Variants in CAMTA1 observed in about 807,000 individuals in gnomAD.
CAMTA1 encodes the protein calmodulin binding transcription activator 1, also known as calmodulin-binding transcription activator 1.
CAMTA1 carries 27 observed loss-of-function variants against 170.9 expected under a neutral mutation model. The observed-to-expected ratio is 0.16, with a 90% CI of 0.12 to 0.22. CAMTA1 has a LOEUF of 0.22. Ranked by LOEUF, CAMTA1 falls within the 10% of genes least tolerant of loss-of-function variation. The pLI, the probability that CAMTA1 is intolerant of heterozygous loss-of-function variation, is 1.00. For synonymous variants in CAMTA1, 833 were observed against 891.5 expected (o/e 0.93, Z 1.17); for missense variants, 1,619 against 2,217.2 (o/e 0.73, Z 5.42).
chr1:7,628,299 C>G (rs989561870), intron 6 of CAMTA1, among the ~76,000 whole-genome samples: 2 of 152,232 alleles, frequency 1.3e-5, no homozygotes, highest in Non-Finnish European at 2.9e-5. Context: ...TAGTGATTAG[C>G]ACTGATTGGC....
chr1:7,732,604 G>A lies in CAMTA1; in HGVS notation c.3066+5G>A, dbSNP rs774222618. 7 of 1,591,432 alleles carry A rather than the reference G, an allele frequency of 4.4e-6. No individual in the cohort carries two copies. Among genetic ancestry groups the A allele is most frequent in the East Asian group, 2.3e-5 (1 of 44,422 alleles). On this transcript the variant is annotated splice_donor_5th_base_variant and intron_variant, in intron 12 of 22. Transcript: ENST00000303635. The surrounding 1 kb of genome is among the most constrained non-coding windows in gnomAD (Gnocchi z 4.1). ...AATGGAGGGAGCCAGGCACAGGTAC[G>A]AGGCGGTGCTGATGCTCAGCTCCCA... is the stretch of plus-strand genomic sequence containing the variant.
At chr1:7,320,639 T>C (rs1678233611) in intron 5 of CAMTA1, among the ~76,000 whole-genome samples, 1 of 143,972 alleles carries the variant, frequency 6.9e-6, no homozygotes, top group Non-Finnish European at 1.5e-5. Flanking sequence ...CCCTGGGCTG[T>C]GCTGTGTGTG....
At chr1:7,069,446 G>A (rs1442487566) in intron 3 of CAMTA1, among the ~76,000 whole-genome samples, 1 of 152,206 alleles carries the variant, frequency 6.6e-6, no homozygotes, top group Non-Finnish European at 1.5e-5. Flanking sequence ...CTGAAAATGG[G>A]ATGCAGGGGG....
intron 3 of CAMTA1, among the ~76,000 whole-genome samples, chr1:6,931,162 T>C (rs1224295848): frequency 1.3e-5 from 2 of 152,150 alleles, no homozygotes; most frequent in African/African-American, 4.8e-5. Context: ...AGCAAGAGGG[T>C]GTGGGCTGGG....
At chr1:6,905,522 C>A (rs1678243710) in intron 3 of CAMTA1, among the ~76,000 whole-genome samples, 1 of 152,084 alleles carries the variant, frequency 6.6e-6, no homozygotes, top group South Asian at 2.1e-4. Context: ...CCATCCACCT[C>A]TGTCTTGCCC....
intron 5 of CAMTA1, among the ~76,000 whole-genome samples, chr1:7,396,786 A>G (rs1309257664): frequency 6.6e-6 from 1 of 152,106 alleles, no homozygotes; most frequent in Non-Finnish European, 1.5e-5. Context: ...TGTTAATGTG[A>G]TGTATCATGC....
intron 6 of CAMTA1, among the ~76,000 whole-genome samples, chr1:7,490,943 T>C (rs1557801408): frequency 6.6e-6 from 1 of 152,190 alleles, no homozygotes. Context: ...GCAAAGATAT[T>C]TCCTTCTGTG....
chr1:6,875,319 G>C (rs940112925), intron 3 of CAMTA1, among the ~76,000 whole-genome samples: 3 of 152,214 alleles, frequency 2.0e-5, no homozygotes, highest in African/African-American at 4.8e-5. Context: ...TTGAGATGGA[G>C]TCTCGCACTG....
chr1:7,531,266 G>A (rs1557871945), intron 6 of CAMTA1, among the ~76,000 whole-genome samples: 1 of 152,084 alleles, frequency 6.6e-6, no homozygotes, highest in African/African-American at 2.4e-5. Flanking sequence ...CTGCCTTGTT[G>A]TCACTGTGCC....
chr1:7,674,714 C>T lies in CAMTA1; in HGVS notation c.2780-2885C>T, dbSNP rs1457146475. On this transcript the variant is annotated intron_variant, in intron 10 of 22. Coordinates refer to ENST00000303635, the MANE Select transcript of CAMTA1 (RefSeq NM_015215.4). The surrounding 1 kb of genome is among the most constrained non-coding windows in gnomAD (Gnocchi z 4.1). ...ACCTGAACCTGGCAGGTGGAGGTTG[C>T]AGTGAGCCAAGATCACGCCACTGCA... Among the ~76,000 whole-genome samples, 2 of 152,084 alleles carry T rather than the reference C, an allele frequency of 1.3e-5. No homozygotes were observed. Among genetic ancestry groups the T allele is most frequent in the African/African-American group, 2.4e-5 (1 of 41,400 alleles).
intron 22 of CAMTA1, among the ~76,000 whole-genome samples, chr1:7,764,288 A>G (rs558400446): frequency 1.3e-5 from 2 of 152,316 alleles, no homozygotes; most frequent in East Asian, 3.9e-4. Context: ...CTGTTAACAA[A>G]AAAAGATTCA....
intron 3 of CAMTA1, among the ~76,000 whole-genome samples, chr1:6,938,388 C>T (rs895933151): frequency 6.6e-6 from 1 of 152,080 alleles, no homozygotes; most frequent in Non-Finnish European, 1.5e-5. Context: ...AGAGCTGGCC[C>T]TGGGGACTTG....
chr1:7,386,810 C>T (rs2088050795), intron 5 of CAMTA1, among the ~76,000 whole-genome samples: 1 of 152,174 alleles, frequency 6.6e-6, no homozygotes, highest in Non-Finnish European at 1.5e-5. Flanking sequence ...TTGGCTCCTT[C>T]CTCCCCTCCT....
intron 5 of CAMTA1, among the ~76,000 whole-genome samples, chr1:7,346,341 C>G (rs546494729): frequency 1.2e-4 from 19 of 152,308 alleles, no homozygotes; most frequent in African/African-American, 4.6e-4. Context: ...TAGGCAGTTC[C>G]TCAGATTCTC....
At chr1:7,458,540 AGAAT>A (rs943466624) in intron 5 of CAMTA1, among the ~76,000 whole-genome samples, 1 of 152,206 alleles carries the variant, frequency 6.6e-6, no homozygotes, top group Non-Finnish European at 1.5e-5. Context: ...GGAGCCCTGG[AGAAT>A]GAATTTTGGG....
intron 4 of CAMTA1, among the ~76,000 whole-genome samples, chr1:7,130,260 G>C (rs1645175505): frequency 6.6e-6 from 1 of 152,038 alleles, no homozygotes; most frequent in Non-Finnish European, 1.5e-5. Context: ...CTTATAATCA[G>C]CATAGTTATT....
At chr1:6,973,630 G>T (rs957162557) in intron 3 of CAMTA1, among the ~76,000 whole-genome samples, 1 of 152,102 alleles carries the variant, frequency 6.6e-6, no homozygotes, top group Non-Finnish European at 1.5e-5. Context: ...GACTTGTTTT[G>T]GATAAATACT....
At chr1:7,621,087 C>T (rs528994650) in intron 6 of CAMTA1, among the ~76,000 whole-genome samples, 3 of 152,254 alleles carry the variant, frequency 2.0e-5, no homozygotes, top group South Asian at 2.1e-4. Context: ...GAGCAGGGCC[C>T]AACAGTGGAG....
intron 5 of CAMTA1, among the ~76,000 whole-genome samples, chr1:7,368,074 G>A (rs1209324734): frequency 6.6e-6 from 1 of 151,296 alleles, no homozygotes; most frequent in South Asian, 2.1e-4. Context: ...GCAGACATTG[G>A]GCACTCATGG....
Sources: allele counts gnomAD v4.1 joint callset (sites outside exome capture counted in the v4.1 genomes callset), GRCh38; gene constraint gnomAD v4.1.1; non-coding constraint Gnocchi (gnomAD v3.1); transcripts MANE v1.5; gene names NCBI Gene and HGNC (gene_info 2026-07-23, HGNC 2026-07-21).